The following ROBO1 variants were observed in gnomAD, a reference collection of about 807,000 sequenced individuals.
ROBO1 encodes the protein roundabout homolog 1.
Under a neutral mutation model 195.9 loss-of-function variants are expected in ROBO1, and 149 were observed. That is an observed-to-expected ratio of 0.76 (90% CI 0.67 to 0.87). ROBO1 has a LOEUF of 0.87. Ranked by LOEUF, ROBO1 falls within the 40% of genes least tolerant of loss-of-function variation. ROBO1 has a pLI of 0.00. For synonymous variants in ROBO1, 816 were observed against 733.2 expected (o/e 1.11, Z -1.82); for missense variants, 1,933 against 2,068.3 (o/e 0.93, Z 1.27).
chr3:78,784,119 T>A (rs1261186611), intron 4 of ROBO1, among the ~76,000 whole-genome samples: 1 of 152,090 alleles, frequency 6.6e-6, no homozygotes, highest in Non-Finnish European at 1.5e-5. Flanking sequence ...GGTAAGCATA[T>A]CCATATATCA....
chr3:78,674,547 C>T (rs1206344565), intron 10 of ROBO1, among the ~76,000 whole-genome samples: 1 of 152,186 alleles, frequency 6.6e-6, no homozygotes, highest in Non-Finnish European at 1.5e-5. Context: ...GCCAAAACAG[C>T]AAACACGAAA....
At chr3:79,162,703 T>C (rs2080992078) in intron 2 of ROBO1, among the ~76,000 whole-genome samples, 1 of 152,182 alleles carries the variant, frequency 6.6e-6, no homozygotes, top group African/African-American at 2.4e-5. Context: ...CATAATAGGA[T>C]TAGCCCAGAA....
At chr3:79,729,348 C>T (rs1334197313) in intron 1 of ROBO1, among the ~76,000 whole-genome samples, 2 of 152,110 alleles carry the variant, frequency 1.3e-5, no homozygotes, top group Non-Finnish European at 2.9e-5. Flanking sequence ...GACTAAAAGG[C>T]TTACTTCAAA....
At chr3:78,736,371 T>C (rs2082392649) in intron 5 of ROBO1, among the ~76,000 whole-genome samples, 1 of 152,144 alleles carries the variant, frequency 6.6e-6, no homozygotes, top group African/African-American at 2.4e-5. Flanking sequence ...TAAATCATAA[T>C]TTAGAATAGA....
At chr3:78,656,335 T>G (rs1419788439) in intron 18 of ROBO1, among the ~76,000 whole-genome samples, 1 of 147,788 alleles carries the variant, frequency 6.8e-6, no homozygotes, top group Non-Finnish European at 1.5e-5. Context: ...AATTGAAGTT[T>G]GCTTATTTGA....
intron 2 of ROBO1, among the ~76,000 whole-genome samples, chr3:79,379,209 G>A (rs1433832835): frequency 6.6e-6 from 1 of 152,176 alleles, no homozygotes; most frequent in Non-Finnish European, 1.5e-5. Flanking sequence ...ACTAAGGCTT[G>A]ACTGTGGTAG....
chr3:78,633,916 T>TTTGG lies in ROBO1; in HGVS notation c.3481+15_3481+18dup. The TTTGG allele has an allele frequency of 1.3e-6, 2 of 1,528,850 alleles. No homozygotes were observed. The highest frequency in any genetic ancestry group is 1.8e-6 in the Non-Finnish European group (2 of 1,108,896). The allele number at this position is 1,528,850 out of a possible 1,614,324, so 94.7% of individuals were successfully genotyped here. On this transcript the variant is annotated intron_variant, in intron 24 of 30. Transcript: ENST00000464233. ...TACCAGCTTTTTAAAGGAGAAGTTC[T>TTTGG]TTGGTTCATCTTACTTACCAGATGT...
chr3:79,336,258 C>A (rs1364492174), intron 2 of ROBO1, among the ~76,000 whole-genome samples: 1 of 152,200 alleles, frequency 6.6e-6, no homozygotes, highest in Non-Finnish European at 1.5e-5. Context: ...CAGGGCATGT[C>A]AGAGACCTTC....
intron 8 of ROBO1, among the ~76,000 whole-genome samples, chr3:78,712,436 G>A (rs1388134692): frequency 1.3e-5 from 2 of 151,752 alleles, no homozygotes; most frequent in Admixed American, 6.6e-5. Context: ...CTCAAAAGAC[G>A]AAAAAAGGCA....
chr3:78,727,165 T>C (rs1284044387), intron 5 of ROBO1, among the ~76,000 whole-genome samples: 1 of 152,044 alleles, frequency 6.6e-6, no homozygotes, highest in African/African-American at 2.4e-5. Flanking sequence ...GACAAAGAAT[T>C]GGATAATCAA....
intron 3 of ROBO1, among the ~76,000 whole-genome samples, chr3:79,103,822 C>T (rs1328591247): frequency 2.0e-5 from 3 of 151,748 alleles, no homozygotes; most frequent in Admixed American, 6.6e-5. Flanking sequence ...TCTGACTTTG[C>T]TATCATCAAA....
intron 2 of ROBO1, among the ~76,000 whole-genome samples, chr3:79,482,022 C>A (rs116439798): frequency 0.034 from 5,228 of 152,092 alleles, 201 homozygotes; most frequent in African/African-American, 0.098. Flanking sequence ...AATCTGTATT[C>A]CTATAAATTT....
At chr3:79,431,211 T>C (rs2038662430) in intron 2 of ROBO1, among the ~76,000 whole-genome samples, 1 of 152,146 alleles carries the variant, frequency 6.6e-6, no homozygotes, top group Non-Finnish European at 1.5e-5. Flanking sequence ...CCTAATGTAC[T>C]ACAACTAGTA....
intron 2 of ROBO1, among the ~76,000 whole-genome samples, chr3:79,305,391 G>T (rs2033170095): frequency 6.6e-6 from 1 of 151,022 alleles, no homozygotes; most frequent in African/African-American, 2.4e-5. Context: ...GGAGGCTGAG[G>T]CAGGAGAATC....
At chr3:78,817,626 A>T (rs2030231989) in intron 4 of ROBO1, among the ~76,000 whole-genome samples, 1 of 152,242 alleles carries the variant, frequency 6.6e-6, no homozygotes, top group Non-Finnish European at 1.5e-5. Flanking sequence ...GAAGAAAAAA[A>T]TCAGAAAATT....
intron 2 of ROBO1, among the ~76,000 whole-genome samples, chr3:79,152,106 G>A (rs1211399954): frequency 1.3e-5 from 2 of 151,710 alleles, no homozygotes; most frequent in Admixed American, 6.6e-5. Context: ...AAAAAATTCC[G>A]ATTATCTAGG....
At chr3:79,126,849 T>C (rs2080225097) in intron 2 of ROBO1, among the ~76,000 whole-genome samples, 1 of 152,102 alleles carries the variant, frequency 6.6e-6, no homozygotes. Context: ...GACACAGCTA[T>C]TCAGGGATGA....
rs1431757838 is a variant in ROBO1, at chr3:79,265,874, T to C, written c.89-140335A>G. Among the ~76,000 whole-genome samples the C allele has an allele frequency of 2.6e-5, 4 of 151,524 alleles. No individual in the cohort carries two copies. The East Asian group carries it at 7.7e-4, about 29-fold the overall frequency. ...AAAACTGTTATACGACCCAATGGTA[T>C]TGAAGATTAATATTGTAAAATATAT... On this transcript the variant is annotated intron_variant, in intron 2 of 30. Coordinates refer to ENST00000464233, the MANE Select transcript of ROBO1 (RefSeq NM_002941.4).
intron 1 of ROBO1, among the ~76,000 whole-genome samples, chr3:79,715,045 T>G (rs1702429201): frequency 6.6e-6 from 1 of 152,050 alleles, no homozygotes; most frequent in African/African-American, 2.4e-5. Flanking sequence ...TGTGTTGAAT[T>G]ACTGCAATCT....
Sources: gnomAD v4.1 joint callset for allele counts (sites outside exome capture counted in the v4.1 genomes callset) on GRCh38, gnomAD v4.1.1 for gene constraint, MANE v1.5 for transcripts, NCBI Gene and HGNC (gene_info 2026-07-23, HGNC 2026-07-21) for gene names.